PARD3B: variants seen among roughly 807,000 people sequenced by gnomAD.
PARD3B encodes the protein partitioning defective 3 homolog B.
PARD3B carries 103 observed loss-of-function variants against 130.2 expected under a neutral mutation model. The observed-to-expected ratio is 0.79, with a 90% CI of 0.67 to 0.93. The LOEUF is 0.93. PARD3B is among the 40% of genes least tolerant of loss of function. The probability of loss-of-function intolerance (pLI) is 0.00; values close to 1 mark genes in which losing one functional copy is unlikely to be tolerated. For missense variants in PARD3B, 1,609 were observed against 1,499.2 expected, an observed-to-expected ratio of 1.07 and a Z score of -1.21; for synonymous variants, 583 against 553.2, an observed-to-expected ratio of 1.05 and a Z score of -0.76.
chr2:204,912,629 G>C (rs2047283176), intron 2 of PARD3B, among the ~76,000 whole-genome samples: 1 of 152,122 alleles, frequency 6.6e-6, no homozygotes, highest in South Asian at 2.1e-4. Context: ...TGATCTTGTA[G>C]CATGCCCACA....
intron 19 of PARD3B, among the ~76,000 whole-genome samples, chr2:205,410,929 C>T (rs1406555312): frequency 1.3e-5 from 2 of 152,184 alleles, no homozygotes; most frequent in African/African-American, 4.8e-5. Context: ...ATACCCTTCA[C>T]ATAGAAATAC....
In PARD3B at chr2:204,967,137, A is replaced by G. The variant is rs1691325754; in HGVS notation, c.394+1814A>G. 6.6e-6 allele frequency among the ~76,000 whole-genome samples: 1 copy of G among 152,172 alleles called. No homozygotes were observed. Among genetic ancestry groups the G allele is most frequent in the South Asian group, 2.1e-4 (1 of 4,832 alleles). On this transcript the variant is annotated intron_variant, in intron 3 of 22. Coordinates refer to ENST00000406610, the MANE Select transcript of PARD3B (RefSeq NM_001302769.2). This position sits in a 1 kb window ranked among gnomAD's most constrained non-coding sequence, Gnocchi z 4.4. The stretch of plus-strand genomic sequence containing the variant: ...GAATATATGCCAAAACCCTGAAAAT[A>G]CTAAACTCCTTGGTCTACAATCTCA...
chr2:204,687,963 G>T lies in PARD3B; in HGVS notation c.222+1681G>T, dbSNP rs558568844. Among the ~76,000 whole-genome samples, 5 of 152,254 alleles carry T rather than the reference G, an allele frequency of 3.3e-5. No individual in the cohort carries two copies. The South Asian group carries it at 1.0e-3, about 32-fold the overall frequency. ...CCAGGGAGATAATTTGTCCCATAGA[G>T]CTCTCACATTTAGAGCATTCTTTTA... On this transcript the variant is annotated intron_variant, in intron 2 of 22. Coordinates refer to ENST00000406610, the MANE Select transcript of PARD3B (RefSeq NM_001302769.2).
At chr2:204,563,996 G>C (rs1421109451) in intron 1 of PARD3B, among the ~76,000 whole-genome samples, 2 of 152,056 alleles carry the variant, frequency 1.3e-5, no homozygotes, top group African/African-American at 2.4e-5. Flanking sequence ...GGATGGTCTC[G>C]ATCTCCTGAC....
At chr2:205,127,304 A>G (rs1382970776) in intron 10 of PARD3B, among the ~76,000 whole-genome samples, 1 of 151,600 alleles carries the variant, frequency 6.6e-6, no homozygotes, top group Non-Finnish European at 1.5e-5. Context: ...CTCAAAAAAA[A>G]AAAAAAAAAA....
At chr2:205,400,905 C>A in intron 18 of PARD3B, 108 bp from the exon 19 acceptor site, 1 of 724,736 alleles carries the variant, frequency 1.4e-6, no homozygotes. Context: ...TCTTGACTTA[C>A]TTAGAATAAA....
intron 2 of PARD3B, among the ~76,000 whole-genome samples, chr2:204,876,945 T>G (rs2045867249): frequency 6.6e-6 from 1 of 152,184 alleles, no homozygotes; most frequent in Non-Finnish European, 1.5e-5. Context: ...TGTATTCTTT[T>G]CAACCAAATG....
At chr2:205,370,210 C>G (rs961474851) in intron 18 of PARD3B, among the ~76,000 whole-genome samples, 2 of 152,142 alleles carry the variant, frequency 1.3e-5, no homozygotes, top group African/African-American at 2.4e-5. Flanking sequence ...AAGAACAACT[C>G]CCAAACTAGT....
At chr2:204,783,348 C>G (rs4371347) in intron 2 of PARD3B, among the ~76,000 whole-genome samples, 1 of 152,112 alleles carries the variant, frequency 6.6e-6, no homozygotes, top group Non-Finnish European at 1.5e-5. Flanking sequence ...GGCCTGTTCT[C>G]TGTGTGGGTA....
At chr2:205,194,202 A>G (rs1405148276) in intron 15 of PARD3B, among the ~76,000 whole-genome samples, 1 of 152,256 alleles carries the variant, frequency 6.6e-6, no homozygotes, top group Non-Finnish European at 1.5e-5. Flanking sequence ...AGAAAATAGA[A>G]TAATCAAAAG....
chr2:204,968,600 CT>C (rs1691448795), intron 3 of PARD3B, among the ~76,000 whole-genome samples: 1 of 152,230 alleles, frequency 6.6e-6, no homozygotes, highest in African/African-American at 2.4e-5. Context: ...ACCTCTGTGC[CT>C]TTGCAGATAC....
chr2:205,330,034 T>TAAATAAAA (rs1331609889), intron 18 of PARD3B, among the ~76,000 whole-genome samples: 2 of 3,616 alleles, frequency 5.5e-4, no homozygotes, highest in Non-Finnish European at 2.2e-3. Context: ...AATAAATAAA[T>TAAATAAAA]AAAATAAAAT....
chr2:205,045,719 G>GTCTC (rs1034122367), intron 3 of PARD3B, among the ~76,000 whole-genome samples: 1 of 149,512 alleles, frequency 6.7e-6, no homozygotes, highest in African/African-American at 2.5e-5. Flanking sequence ...GAAAAACCAT[G>GTCTC]TCTCTCTCTC....
chr2:204,631,324 A>T lies in PARD3B; in HGVS notation c.121-54857A>T, dbSNP rs541559506. Among the ~76,000 whole-genome samples the T allele has an allele frequency of 9.9e-5, 15 of 150,758 alleles. No individual in the cohort carries two copies. The South Asian group carries it at 3.2e-3, about 32-fold the overall frequency. ...CAGTGCAGTGGCACGATCTCAGCTCACTGCAACCTCTGCCTCTCGGGTTCA... is the reference window on the plus strand; with the variant it reads ...CAGTGCAGTGGCACGATCTCAGCTCTCTGCAACCTCTGCCTCTCGGGTTCA... On this transcript the variant is annotated intron_variant, in intron 1 of 22. Transcript: ENST00000406610.
At chr2:204,582,663 C>G (rs1290479384) in intron 1 of PARD3B, among the ~76,000 whole-genome samples, 3 of 152,168 alleles carry the variant, frequency 2.0e-5, no homozygotes, top group Non-Finnish European at 2.9e-5. Flanking sequence ...CCCACTCTGT[C>G]CTTTCAGTCC....
chr2:204,606,625 A>C lies in PARD3B; in HGVS notation c.120+60506A>C, dbSNP rs917619611. Among the ~76,000 whole-genome samples, 1 of 152,184 alleles carries C rather than the reference A, an allele frequency of 6.6e-6. No individual in the cohort carries two copies. The highest frequency in any genetic ancestry group is 2.1e-4 in the South Asian group (1 of 4,830). On this transcript the variant is annotated intron_variant, in intron 1 of 22. Coordinates refer to ENST00000406610, the MANE Select transcript of PARD3B (RefSeq NM_001302769.2). The surrounding 1 kb of genome is among the most constrained non-coding windows in gnomAD (Gnocchi z 4.0). The stretch of plus-strand genomic sequence containing the variant: ...GATTCTATTATGTGCTCAGAATAGG[A>C]GAATCAACCATTTATGAAGAAGCTC...
At chr2:205,580,823 C>T (rs956495068) in intron 22 of PARD3B, among the ~76,000 whole-genome samples, 5 of 151,930 alleles carry the variant, frequency 3.3e-5, no homozygotes, top group Admixed American at 6.6e-5. Context: ...CACTAAAATG[C>T]CTTGGAAAAA....
At chr2:205,009,682 A>C (rs1575547912) in intron 3 of PARD3B, among the ~76,000 whole-genome samples, 1 of 152,276 alleles carries the variant, frequency 6.6e-6, no homozygotes, top group East Asian at 1.9e-4. Flanking sequence ...AAAAAAAAAA[A>C]AAAAATAGTG....
intron 11 of PARD3B, among the ~76,000 whole-genome samples, chr2:205,169,183 G>A (rs2035006015): frequency 6.6e-6 from 1 of 152,098 alleles, no homozygotes; most frequent in South Asian, 2.1e-4. Context: ...TAAAGAAAAA[G>A]CACACACCAA....
Sources: allele counts gnomAD v4.1 joint callset (sites outside exome capture counted in the v4.1 genomes callset), GRCh38; gene constraint gnomAD v4.1.1; non-coding constraint Gnocchi (gnomAD v3.1); transcripts MANE v1.5; gene names NCBI Gene and HGNC (gene_info 2026-07-23, HGNC 2026-07-21).